PLPPR5: variants seen among roughly 807,000 people sequenced by gnomAD.
The protein encoded by PLPPR5 is phospholipid phosphatase related 5.
In PLPPR5, 16 loss-of-function variants were observed where a neutral mutation model predicts 33.9. The ratio of observed to expected loss-of-function variants is 0.47; its 90% CI spans 0.32 to 0.72. The LOEUF (loss-of-function observed/expected upper bound fraction) is 0.72. PLPPR5 is among the 30% of genes least tolerant of loss of function. PLPPR5 has a pLI of 0.03. For synonymous variants in PLPPR5, 163 were observed against 150.3 expected (o/e 1.08, Z -0.62); for missense variants, 301 against 406.7 (o/e 0.74, Z 2.23).
chr1:98,975,836 A>G (rs192863252), intron 1 of PLPPR5, among the ~76,000 whole-genome samples: 11 of 152,142 alleles, frequency 7.2e-5, no homozygotes, highest in African/African-American at 2.6e-4. Flanking sequence ...GTAGTGGTGA[A>G]CAACATATGT....
intron 3 of PLPPR5, among the ~76,000 whole-genome samples, chr1:98,943,099 G>A (rs945323548): frequency 1.3e-5 from 2 of 152,170 alleles, no homozygotes; most frequent in African/African-American, 4.8e-5. Context: ...ATAGAACATA[G>A]CATCCCTTAG....
rs139357152 is a variant in PLPPR5, at chr1:98,914,814, C to A, written c.905G>T (p.Ser302Ile). Residue 302 changes from serine (S) to isoleucine (I), a missense_variant, in exon 5 of 6, where the codon AGT becomes ATT. Transcript: ENST00000263177. ...TACAGATGTTACCTTTTCCAAAGGA[C>A]TTTCTACTCGAGGAATGCTGATCAT... ...MPMISIPRVE[S>I]PLEKVTSVQN... The A allele has an allele frequency of 1.2e-6, 2 of 1,613,020 alleles. No homozygotes were observed. Among genetic ancestry groups the A allele is most frequent in the South Asian group, 2.2e-5 (2 of 90,998 alleles).
At chr1:98,909,834 A>ATATT (rs145596210) in intron 5 of PLPPR5, among the ~76,000 whole-genome samples, 21,049 of 152,132 alleles carry the variant, frequency 0.14, 1,691 homozygotes, top group South Asian at 0.25. Flanking sequence ...AGTAACCTGA[A>ATATT]TATTTAGTGG....
At position 98,892,212 on chromosome 1, in the gene PLPPR5, G is replaced by C. The variant is rs1570673018; in HGVS notation, c.*860C>G. On this transcript the variant is annotated 3_prime_UTR_variant, in exon 6 of 6. Coordinates refer to ENST00000263177, the MANE Select transcript of PLPPR5 (RefSeq NM_001037317.2). Reference sequence around the variant, plus strand: ...AATCTTTAGTAGTAAAAAAGCCTAAGAGTGGAGCTTTTGACCACTCTTGAG... The same window carrying C: ...AATCTTTAGTAGTAAAAAAGCCTAACAGTGGAGCTTTTGACCACTCTTGAG... 6.6e-6 allele frequency: 1 copy of C among 152,144 alleles called. No individual in the cohort carries two copies. Among genetic ancestry groups the C allele is most frequent in the East Asian group, 1.9e-4 (1 of 5,176 alleles). 9.4% of individuals were successfully genotyped at this position (152,144 alleles called of 1,614,324 possible). A position where few individuals can be genotyped will look rare whatever the true frequency, so the allele number is the denominator to read the frequency against.
intron 3 of PLPPR5, among the ~76,000 whole-genome samples, chr1:98,923,943 G>A (rs988765889): frequency 5.9e-5 from 9 of 152,312 alleles, no homozygotes; most frequent in East Asian, 1.9e-4. Context: ...TGACGAGTGC[G>A]TATGAATAGA....
chr1:98,916,961 G>A (rs1276945749), intron 4 of PLPPR5, among the ~76,000 whole-genome samples: 9 of 152,096 alleles, frequency 5.9e-5, no homozygotes, highest in Admixed American at 1.3e-4. Context: ...CCGAGTCTCA[G>A]TTTTATCAAT....
At chr1:98,942,564 A>G (rs1434507485) in intron 3 of PLPPR5, among the ~76,000 whole-genome samples, 1 of 152,226 alleles carries the variant, frequency 6.6e-6, no homozygotes, top group Non-Finnish European at 1.5e-5. Context: ...ATTGTGCTGT[A>G]AGGAGACCAG....
intron 1 of PLPPR5, among the ~76,000 whole-genome samples, chr1:98,973,864 G>C (rs1336187315): frequency 6.7e-6 from 1 of 149,542 alleles, no homozygotes; most frequent in Admixed American, 6.7e-5. Flanking sequence ...ACTTAATTTT[G>C]TTCACAGTGG....
At chr1:98,898,073 A>G (rs1198700232) in intron 5 of PLPPR5, among the ~76,000 whole-genome samples, 1 of 152,120 alleles carries the variant, frequency 6.6e-6, no homozygotes, top group Non-Finnish European at 1.5e-5. Context: ...CTCATATCCA[A>G]ACAAAGTTTA....
chr1:98,999,511 A>G (rs1167217775), intron 1 of PLPPR5, among the ~76,000 whole-genome samples: 1 of 152,160 alleles, frequency 6.6e-6, no homozygotes, highest in African/African-American at 2.4e-5. Flanking sequence ...TATGAATGAG[A>G]ACATTTTGAC....
intron 4 of PLPPR5, among the ~76,000 whole-genome samples, chr1:98,920,999 TTATAC>T (rs1649533550): frequency 6.6e-6 from 1 of 152,178 alleles, no homozygotes; most frequent in African/African-American, 2.4e-5. Context: ...CACTCACAAC[TTATAC>T]TATACTTTAA....
chr1:98,972,788 G>A (rs2100744828), intron 1 of PLPPR5, among the ~76,000 whole-genome samples: 1 of 152,142 alleles, frequency 6.6e-6, no homozygotes, highest in African/African-American at 2.4e-5. Context: ...AGGTCCTGAT[G>A]GCCCTGATCT....
intron 1 of PLPPR5, among the ~76,000 whole-genome samples, chr1:98,958,826 A>T (rs1557683894): frequency 6.6e-6 from 1 of 151,994 alleles, no homozygotes. Context: ...TCAAATTCTA[A>T]CAATGCATCA....
rs1219016418 is a variant in PLPPR5 at position 98,939,306 on chromosome 1, AAAG to A, written c.621+13761_621+13763del. ...TTTCCATATAGAGGAAGGGATGCTA[AAAG>A]TGATTTGCTTTTGTGTCAAATATGC... On this transcript the variant is annotated intron_variant, in intron 3 of 5. Transcript: ENST00000263177. Among the ~76,000 whole-genome samples, 155 of 148,528 alleles carry A rather than the reference AAAG, an allele frequency of 1.0e-3. 1 individual carries two copies. Among genetic ancestry groups the A allele is most frequent in the Admixed American group, 1.6e-3 (24 of 14,846 alleles).
At chr1:98,968,754 C>G (rs1411111199) in intron 1 of PLPPR5, among the ~76,000 whole-genome samples, 1 of 151,904 alleles carries the variant, frequency 6.6e-6, no homozygotes, top group African/African-American at 2.4e-5. Context: ...TAAAAAGATT[C>G]ATAATTTCCA....
chr1:98,956,784 A>G, intron 1 of PLPPR5, 43 bp from the exon 2 acceptor site: 1 of 1,406,376 alleles, frequency 7.1e-7, no homozygotes, highest in Non-Finnish European at 9.6e-7. Flanking sequence ...GAATTTAACC[A>G]GTATAAATGT....
chr1:98,948,333 A>G (rs187871201), intron 3 of PLPPR5, among the ~76,000 whole-genome samples: 59 of 152,264 alleles, frequency 3.9e-4, no homozygotes, highest in African/African-American at 1.3e-3. Context: ...CTGTGTGGGA[A>G]GTGAGAGTGG....
Position 98,914,815 on chromosome 1 carries a change from T to C in PLPPR5, c.904A>G (p.Ser302Gly). 6.2e-7 allele frequency: 1 copy of C among 1,613,250 alleles called. No homozygotes were observed. The highest frequency in any genetic ancestry group is 8.5e-7 in the Non-Finnish European group (1 of 1,179,680). ...MPMISIPRVE[S>G]PLEKVTSVQN... ...ACAGATGTTACCTTTTCCAAAGGAC[T>C]TTCTACTCGAGGAATGCTGATCATT... The change falls in exon 5 of 6, where the codon AGT becomes GGT. Residue 302 changes from serine to glycine, a missense_variant. Physicochemically the swap from Ser to Gly is moderately conservative, Grantham distance 56 (BLOSUM62 0). Coordinates refer to ENST00000263177, the MANE Select transcript of PLPPR5 (RefSeq NM_001037317.2).
intron 3 of PLPPR5, among the ~76,000 whole-genome samples, chr1:98,922,613 G>A (rs1477768293): frequency 3.3e-5 from 5 of 152,278 alleles, no homozygotes; most frequent in Middle Eastern, 3.4e-3. Context: ...GCAATGCCGA[G>A]GTTGCTTTCA....
Sources: gnomAD v4.1 joint callset for allele counts (sites outside exome capture counted in the v4.1 genomes callset) on GRCh38, gnomAD v4.1.1 for gene constraint, MANE v1.5 for transcripts, NCBI Gene and HGNC (gene_info 2026-07-23, HGNC 2026-07-21) for gene names.